The following SLC1A2 variants were observed in gnomAD, a reference collection of about 807,000 sequenced individuals.
SLC1A2 encodes excitatory amino acid transporter 2.
A neutral mutation model predicts 48.8 loss-of-function variants in SLC1A2; 15 were observed. The observed-to-expected ratio is 0.31, with a 90% confidence interval of 0.21 to 0.47. The LOEUF is 0.47. Ranked by LOEUF, SLC1A2 falls within the 20% of genes least tolerant of loss-of-function variation. The pLI, the probability that SLC1A2 is intolerant of heterozygous loss-of-function variation, is 0.99. For synonymous variants in SLC1A2, 279 were observed against 272.6 expected (o/e 1.02, Z -0.23); for missense variants, 502 against 730.5 (o/e 0.69, Z 3.61).
At chr11:35,368,187 CT>C (rs1391218938) in intron 1 of SLC1A2, among the ~76,000 whole-genome samples, 1 of 152,328 alleles carries the variant, frequency 6.6e-6, no homozygotes, top group Non-Finnish European at 1.5e-5. Context: ...CTAAAATCAT[CT>C]TTCAATTCAT....
intron 10 of SLC1A2, chr11:35,264,035 A>G (rs1950438878): frequency 6.6e-6 from 1 of 152,242 alleles, no homozygotes; most frequent in Admixed American, 6.5e-5. Context: ...CCAGCTTTCC[A>G]TGAGAATGCA....
Position 35,260,438 on chromosome 11 carries a change from T to C in SLC1A2, c.*456A>G, listed in dbSNP as rs1269036379. 1 of 157,894 alleles carries C rather than the reference T, an allele frequency of 6.3e-6. No homozygotes were observed. The highest frequency in any genetic ancestry group is 2.4e-5 in the African/African-American group (1 of 41,480). 9.8% of individuals were successfully genotyped at this position (157,894 alleles called of 1,614,324 possible). A position where few individuals can be genotyped will look rare whatever the true frequency, so the allele number is the denominator to read the frequency against. On this transcript the variant is annotated 3_prime_UTR_variant, in exon 11 of 11. Coordinates refer to ENST00000278379, the MANE Select transcript of SLC1A2 (RefSeq NM_004171.4). ...TTTAAGGGGAGTTACTTCTAGAGGC[T>C]TTTAATAGAATCTCTTGTGCATAAC...
At chr11:35,308,255 C>A (rs149947216) in intron 4 of SLC1A2, among the ~76,000 whole-genome samples, 7 of 152,274 alleles carry the variant, frequency 4.6e-5, no homozygotes, top group African/African-American at 1.7e-4. Context: ...GTTGCTGAAG[C>A]AGGATTCGAG....
At chr11:35,322,490 C>T in intron 1 of SLC1A2, 1 of 910,024 alleles carries the variant, frequency 1.1e-6, no homozygotes. Context: ...ACAGAACACT[C>T]CCCAGGGAGC....
intron 1 of SLC1A2, among the ~76,000 whole-genome samples, chr11:35,323,603 G>T (rs1177914350): frequency 6.6e-6 from 1 of 152,166 alleles, no homozygotes; most frequent in Admixed American, 6.5e-5. Context: ...TAGAGATGTG[G>T]ATTCCATTCT....
At chr11:35,309,436 G>A (rs187757903) in intron 4 of SLC1A2, among the ~76,000 whole-genome samples, 38 of 152,280 alleles carry the variant, frequency 2.5e-4, no homozygotes, top group African/African-American at 7.5e-4. Flanking sequence ...TGGATTTAAC[G>A]TTGTAAGGTC....
chr11:35,396,777 C>A (rs1254349531), intron 1 of SLC1A2, among the ~76,000 whole-genome samples: 12 of 152,114 alleles, frequency 7.9e-5, no homozygotes, highest in Non-Finnish European at 5.9e-5. Context: ...AATGGTAAAA[C>A]CCCATTGTCT....
At chr11:35,378,603 T>C (rs977956096) in intron 1 of SLC1A2, among the ~76,000 whole-genome samples, 13 of 152,172 alleles carry the variant, frequency 8.5e-5, no homozygotes, top group South Asian at 2.1e-4. Context: ...TTCCAATGCA[T>C]TGGAGACAAG....
At chr11:35,282,886 G>A (rs1591424628) in intron 8 of SLC1A2, among the ~76,000 whole-genome samples, 1 of 152,152 alleles carries the variant, frequency 6.6e-6, no homozygotes, top group Non-Finnish European at 1.5e-5. Flanking sequence ...CTGTCTCTGT[G>A]TGTGGAATTC....
chr11:35,348,134 T>C (rs952422582), intron 1 of SLC1A2, among the ~76,000 whole-genome samples: 6 of 152,178 alleles, frequency 3.9e-5, no homozygotes, highest in African/African-American at 1.4e-4. Context: ...GAATTGTTAC[T>C]AATGCAGCTA....
intron 1 of SLC1A2, among the ~76,000 whole-genome samples, chr11:35,378,428 T>C (rs10836386): frequency 0.49 from 74,140 of 152,088 alleles, 18,504 homozygotes; most frequent in Non-Finnish European, 0.53. Context: ...ATATTGATGC[T>C]AGCTGGTCTG....
At position 35,419,110 on chromosome 11, in the gene SLC1A2, A is replaced by G; in HGVS notation, c.-144T>C. 1 of 652,410 alleles carries G rather than the reference A, an allele frequency of 1.5e-6. No individual in the cohort carries two copies. The highest frequency in any genetic ancestry group is 2.5e-6 in the Non-Finnish European group (1 of 396,854). The allele number at this position is 652,410 out of a possible 1,614,324, so 40.4% of individuals were successfully genotyped here. On this transcript the variant is annotated 5_prime_UTR_variant, in exon 1 of 11. Coordinates refer to ENST00000278379, the MANE Select transcript of SLC1A2 (RefSeq NM_004171.4). This position sits in a 1 kb window ranked among gnomAD's most constrained non-coding sequence, Gnocchi z 5.4. ...CCGCCCTTCCACCCGCCTCCGGGGT[A>G]AGCCCTTTAGCGCCTCAACGGGCGC...
At chr11:35,313,248 A>G (rs1394478034) in intron 3 of SLC1A2, among the ~76,000 whole-genome samples, 1 of 152,198 alleles carries the variant, frequency 6.6e-6, no homozygotes, top group Non-Finnish European at 1.5e-5. Context: ...TATTACTGGT[A>G]ACTGACATGG....
In SLC1A2 at chr11:35,255,926, A is replaced by G. The variant is rs1279231673; in HGVS notation, c.*4968T>C. The G allele has an allele frequency of 2.0e-5, 3 of 152,252 alleles. No individual in the cohort carries two copies. Among genetic ancestry groups the G allele is most frequent in the African/African-American group, 4.8e-5 (2 of 41,466 alleles). The allele number at this position is 152,252 out of a possible 1,614,324, so 9.4% of individuals were successfully genotyped here. On this transcript the variant is annotated 3_prime_UTR_variant, in exon 11 of 11. Transcript: ENST00000278379. The stretch of plus-strand genomic sequence containing the variant: ...TTAATTTCTCCCAAAGGAGATGAGA[A>G]AAATCTAAATTGATTATTCATTATT...
rs766386311 is a variant in SLC1A2, at chr11:35,419,016, G to T, written c.-50C>A. 2 of 1,529,664 alleles carry T rather than the reference G, an allele frequency of 1.3e-6. No individual in the cohort carries two copies. Among genetic ancestry groups the T allele is most frequent in the Non-Finnish European group, 1.8e-6 (2 of 1,131,576 alleles). The allele number at this position is 1,529,664 out of a possible 1,614,324, so 94.8% of individuals were successfully genotyped here. A position where few individuals can be genotyped will look rare whatever the true frequency, so the allele number is the denominator to read the frequency against. The stretch of plus-strand genomic sequence containing the variant: ...TCAGCACTATCCGGCAGCTGTGGGC[G>T]AGGGAGAAAGCGGACGCCGGGGTGA... On this transcript the variant is annotated 5_prime_UTR_variant, in exon 1 of 11. Transcript: ENST00000278379. This position sits in a 1 kb window ranked among gnomAD's most constrained non-coding sequence, Gnocchi z 5.4.
At chr11:35,338,931 G>A (rs894216419) in intron 1 of SLC1A2, among the ~76,000 whole-genome samples, 2 of 152,172 alleles carry the variant, frequency 1.3e-5, no homozygotes, top group Non-Finnish European at 2.9e-5. Flanking sequence ...AGATGAAGGG[G>A]TCAGCATCTA....
chr11:35,413,666 A>G (rs1855529160), intron 1 of SLC1A2: 1 of 152,180 alleles, frequency 6.6e-6, no homozygotes. Context: ...TGGGCCACAT[A>G]CAGTCCACAG....
Position 35,284,110 on chromosome 11 carries a change from T to TATATATATATATATATATATAA in SLC1A2, c.1286+2646_1286+2647insTTATATATATATATATATATAT, listed in dbSNP as rs539270363. Among the ~76,000 whole-genome samples, 185 of 141,090 alleles carry TATATATATATATATATATATAA rather than the reference T, an allele frequency of 1.3e-3. 2 individuals carry two copies. Among genetic ancestry groups the TATATATATATATATATATATAA allele is most frequent in the African/African-American group, 4.6e-3 (167 of 36,226 alleles). 92.6% of individuals were successfully genotyped at this position (141,090 alleles called of 152,430 possible). ...TATTATATATATATATATATATATA[T>TATATATATATATATATATATAA]AAATTATTATTTTGCAACCCAACAG... On this transcript the variant is annotated intron_variant, in intron 8 of 10. Transcript: ENST00000278379.
chr11:35,349,564 C>G (rs1423408822), intron 1 of SLC1A2, among the ~76,000 whole-genome samples: 2 of 152,178 alleles, frequency 1.3e-5, no homozygotes, highest in African/African-American at 2.4e-5. Context: ...AGAGCTCTTC[C>G]CCTCCAGATT....
Sources: gnomAD v4.1 joint callset for allele counts (sites outside exome capture counted in the v4.1 genomes callset) on GRCh38, gnomAD v4.1.1 for gene constraint, Gnocchi (gnomAD v3.1) non-coding constraint, MANE v1.5 for transcripts, NCBI Gene and HGNC (gene_info 2026-07-23, HGNC 2026-07-21) for gene names.